Variants in AFG2A observed in about 807,000 individuals in gnomAD.
AFG2A encodes the protein AAA ATPase AFG2A.
At chr4:123,274,064 A>G in the AFG2A span, among the ~76,000 whole-genome samples, 58 of 152,124 alleles carry the variant, frequency 3.8e-4, no homozygotes, top group Non-Finnish European at 1.6e-4. Context: ...TTGATAATCT[A>G]TTCTTATATT....
At chr4:123,119,541 G>C in the AFG2A span, among the ~76,000 whole-genome samples, 8 of 151,998 alleles carry the variant, frequency 5.3e-5, no homozygotes, top group African/African-American at 1.9e-4. Context: ...AGACAGTGTG[G>C]GTCCATCTTT....
chr4:123,140,469 T>A, the AFG2A span, among the ~76,000 whole-genome samples: 1 of 150,566 alleles, frequency 6.6e-6, no homozygotes, highest in Non-Finnish European at 1.5e-5. Flanking sequence ...ACCTGTTCTG[T>A]GTCACAACAC....
chr4:122,934,344 TC>T, the AFG2A span: 1 of 1,614,198 alleles, frequency 6.2e-7, no homozygotes, highest in South Asian at 1.1e-5. Context: ...CAAGAAGTAC[TC>T]CTTATAAACC....
At chr4:123,252,302 C>G in the AFG2A span, among the ~76,000 whole-genome samples, 346 of 152,144 alleles carry the variant, frequency 2.3e-3, no homozygotes, top group African/African-American at 8.0e-3. Context: ...GTTTGGAACT[C>G]TAAGTATGAA....
the AFG2A span, chr4:122,936,257 A>C: frequency 3.7e-4 from 254 of 686,756 alleles, no homozygotes; most frequent in Non-Finnish European, 9.0e-6. Context: ...TAGTACAAAA[A>C]TTATAGTGAT....
the AFG2A span, among the ~76,000 whole-genome samples, chr4:122,924,790 CTTTAAAA>C: frequency 6.6e-6 from 1 of 151,898 alleles, no homozygotes; most frequent in Non-Finnish European, 1.5e-5. Context: ...GTGGTGAAGA[CTTTAAAA>C]TTTATAATAG....
chr4:123,132,597 C>CATATATATATATAT, the AFG2A span, among the ~76,000 whole-genome samples: 583 of 140,362 alleles, frequency 4.2e-3, 5 homozygotes, highest in African/African-American at 0.01. Context: ...GATGTGTGTA[C>CATATATATATATAT]ATATATATAT....
the AFG2A span, among the ~76,000 whole-genome samples, chr4:123,117,326 A>T: frequency 1.3e-5 from 2 of 151,874 alleles, no homozygotes; most frequent in Non-Finnish European, 2.9e-5. Context: ...ATGTAACCAC[A>T]CATGTGTAAA....
the AFG2A span, among the ~76,000 whole-genome samples, chr4:123,237,956 T>C: frequency 6.6e-6 from 1 of 152,142 alleles, no homozygotes; most frequent in Non-Finnish European, 1.5e-5. Flanking sequence ...ACCTGGAATA[T>C]CGCTACACTC....
the AFG2A span, among the ~76,000 whole-genome samples, chr4:123,135,819 A>G: frequency 6.6e-6 from 1 of 152,194 alleles, no homozygotes; most frequent in East Asian, 1.9e-4. Flanking sequence ...TCCCTCATAG[A>G]TACTGAGGGA....
the AFG2A span, among the ~76,000 whole-genome samples, chr4:123,298,487 T>C: frequency 6.6e-6 from 1 of 152,320 alleles, no homozygotes; most frequent in South Asian, 2.1e-4. Context: ...TCAAATTGGC[T>C]TTCCATCCCT....
chr4:123,044,201 GT>G, the AFG2A span, among the ~76,000 whole-genome samples: 1 of 152,154 alleles, frequency 6.6e-6, no homozygotes, highest in Non-Finnish European at 1.5e-5. Flanking sequence ...CATGTGGAAA[GT>G]TTGCACAACT....
At chr4:123,245,733 G>A in the AFG2A span, among the ~76,000 whole-genome samples, 5 of 152,154 alleles carry the variant, frequency 3.3e-5, no homozygotes, top group African/African-American at 1.2e-4. Context: ...TTGCAGAACT[G>A]AGCAAGCCCA....
chr4:123,228,135 C>T, the AFG2A span, among the ~76,000 whole-genome samples: 210 of 152,184 alleles, frequency 1.4e-3, 1 homozygote, highest in African/African-American at 4.8e-3. Context: ...GATGAGTTTC[C>T]TGAATACAGC....
chr4:123,112,557 A>T, the AFG2A span, among the ~76,000 whole-genome samples: 2 of 152,168 alleles, frequency 1.3e-5, no homozygotes, highest in African/African-American at 4.8e-5. Flanking sequence ...TCCTTCTTTC[A>T]CATATCAGTT....
chr4:123,011,567 A>G, the AFG2A span, among the ~76,000 whole-genome samples: 4 of 152,198 alleles, frequency 2.6e-5, no homozygotes, highest in African/African-American at 9.7e-5. Flanking sequence ...CCGTTTGCCC[A>G]TTTTATGACA....
At chr4:123,124,961 A>C in the AFG2A span, among the ~76,000 whole-genome samples, 1 of 152,228 alleles carries the variant, frequency 6.6e-6, no homozygotes, top group Non-Finnish European at 1.5e-5. Flanking sequence ...AATCACCAGG[A>C]AACATATTAC....
At chr4:123,025,543 A>G in the AFG2A span, among the ~76,000 whole-genome samples, 3,271 of 89,502 alleles carry the variant, frequency 0.037, 62 homozygotes, top group Non-Finnish European at 0.062. Flanking sequence ...GAAAGTGACT[A>G]TAACTTGAAC....
the AFG2A span, among the ~76,000 whole-genome samples, chr4:123,101,443 A>G: frequency 1.3e-5 from 2 of 151,966 alleles, no homozygotes; most frequent in African/African-American, 2.4e-5. Context: ...GTTTTATTAT[A>G]TATATACTGA....
Sources: allele counts gnomAD v4.1 joint callset (sites outside exome capture counted in the v4.1 genomes callset), GRCh38; gene constraint gnomAD v4.1.1; transcripts MANE v1.5; gene names NCBI Gene and HGNC (gene_info 2026-07-23, HGNC 2026-07-21).